Variants in COX8A observed in about 807,000 individuals in gnomAD.
COX8A encodes cytochrome c oxidase subunit 8A, mitochondrial.
COX8A carries 6 observed loss-of-function variants against 4.4 expected under a neutral mutation model. The observed-to-expected ratio is 1.36, with a 90% CI of 0.74 to 2.68. The LOEUF is 2.68. COX8A is among the 30% of genes most tolerant of loss of function. The probability of loss-of-function intolerance (pLI) is 0.00; values close to 1 mark genes in which losing one functional copy is unlikely to be tolerated. For synonymous variants in COX8A, 53 were observed against 47.1 expected (o/e 1.12, Z -0.51); for missense variants, 72 against 89.6 (o/e 0.80, Z 0.79).
At chr11:63,974,997 A>G (rs975381470) in intron 1 of COX8A, among the ~76,000 whole-genome samples, 1 of 152,020 alleles carries the variant, frequency 6.6e-6, no homozygotes, top group Non-Finnish European at 1.5e-5. Flanking sequence ...GTCTTTCCCC[A>G]CAGCCCCAGG....
Position 63,974,657 on chromosome 11 carries a change from T to C in COX8A, c.-24T>C. On this transcript the variant is annotated 5_prime_UTR_variant, in exon 1 of 2. Transcript: ENST00000314133. ...TGACCTTGGGCTACGGCTGACCGTT[T>C]TTTGTGGTGTACTCCGTGCCATCAT... 1 of 1,586,744 alleles carries C rather than the reference T, an allele frequency of 6.3e-7. No homozygotes were observed. Among genetic ancestry groups the C allele is most frequent in the Non-Finnish European group, 8.6e-7 (1 of 1,165,164 alleles).
intron 1 of COX8A, among the ~76,000 whole-genome samples, chr11:63,975,174 T>C (rs897065160): frequency 5.9e-5 from 9 of 152,188 alleles, no homozygotes; most frequent in Non-Finnish European, 1.3e-4. Context: ...TATTTTATTT[T>C]ATTTTATTTT....
At position 63,976,232 on chromosome 11, in the gene COX8A, C is replaced by G. The variant is rs1313133583; in HGVS notation, c.122C>G (p.Ala41Gly). The G allele has an allele frequency of 6.2e-7, 1 of 1,614,114 alleles. No individual in the cohort carries two copies. ...TTCTTGTGCTCTGTGTAGGAATTGG[C>G]CGTTGGGCTTACCTCCTGCTTCGTG... ...PEGKLGIMEL[A>G]VGLTSCFVTF... The change falls in exon 2 of 2, where the codon GCC becomes GGC. Residue 41 changes from alanine to glycine, a missense_variant. Ala to Gly is a moderately conservative substitution (Grantham distance 60). Transcript: ENST00000314133.
At chr11:63,975,967 C>T (rs1942536507) in intron 1 of COX8A, among the ~76,000 whole-genome samples, 1 of 152,182 alleles carries the variant, frequency 6.6e-6, no homozygotes, top group African/African-American at 2.4e-5. Context: ...TGAACCCTAA[C>T]CCCAGCTGTC....
rs757530768 is a variant in COX8A at position 63,976,304 on chromosome 11, A to G, written c.194A>G (p.Tyr65Cys). The change falls in exon 2 of 2, where the codon TAC (tyrosine) becomes TGC (cysteine). Residue 65 changes from tyrosine to cysteine, a missense_variant. Transcript: ENST00000314133. Reference sequence around the variant, plus strand: ...TGGATCCTGTCACACCTGGAGACCTACAGGAGGCCAGAGTGAAGGGGTCCG... The same window carrying G: ...TGGATCCTGTCACACCTGGAGACCTGCAGGAGGCCAGAGTGAAGGGGTCCG... ...AGWILSHLET[Y>C]RRPE The G allele has an allele frequency of 6.2e-7, 1 of 1,614,042 alleles. No homozygotes were observed. Among genetic ancestry groups the G allele is most frequent in the South Asian group, 1.1e-5 (1 of 91,070 alleles).
At position 63,974,818 on chromosome 11, in the gene COX8A, G is replaced by C. The variant is rs1331680028; in HGVS notation, c.114+24G>C. On this transcript the variant is annotated intron_variant, in intron 1 of 1. Coordinates refer to ENST00000314133, the MANE Select transcript of COX8A (RefSeq NM_004074.3). ...TGGTGAGGAACGGGCCTGGAAGAGC[G>C]CGGGAGGCGCCGTGGGCTGACCCCT... The C allele has an allele frequency of 3.2e-6, 5 of 1,563,060 alleles. No individual in the cohort carries two copies. In the East Asian group the frequency reaches 1.2e-4, roughly 36 times the overall value.
chr11:63,974,914 C>A, intron 1 of COX8A, 120 bp downstream of exon 1: 1 of 950,478 alleles, frequency 1.1e-6, no homozygotes, highest in Non-Finnish European at 1.5e-6. Context: ...GCAGCAGTGC[C>A]GGTTTGGGCA....
chr11:63,976,083 A>T, intron 1 of COX8A, 142 bp from the exon 2 acceptor site: 1 of 757,862 alleles, frequency 1.3e-6, no homozygotes, highest in Non-Finnish European at 2.4e-6. Context: ...GGATTCCTTT[A>T]ACGTGAGGAT....
At chr11:63,975,781 C>T (rs1321341505) in intron 1 of COX8A, among the ~76,000 whole-genome samples, 2 of 152,082 alleles carry the variant, frequency 1.3e-5, no homozygotes, top group Non-Finnish European at 2.9e-5. Context: ...GGGGTTTCAC[C>T]ATGTTGGTCA....
At position 63,974,746 on chromosome 11, in the gene COX8A, G is replaced by C. The variant is rs1295307301; in HGVS notation, c.66G>C (p.Pro22=). The C allele has an allele frequency of 6.2e-7, 1 of 1,608,022 alleles. No homozygotes were observed. The part of the protein sequence containing the change: ...LTGSARRLPV[P]RAKIHSLPPE... Reference sequence around the variant, plus strand: ...GCTCGGCCCGGCGGCTCCCAGTGCCGCGCGCCAAGATCCATTCGTTGCCGC... The same window carrying C: ...GCTCGGCCCGGCGGCTCCCAGTGCCCCGCGCCAAGATCCATTCGTTGCCGC... Residue 22 remains proline, a synonymous_variant, in exon 1 of 2, where the codon CCG becomes CCC. Coordinates refer to ENST00000314133, the MANE Select transcript of COX8A (RefSeq NM_004074.3).
At position 63,975,634 on chromosome 11, in the gene COX8A, G is replaced by T. The variant is rs374169354; in HGVS notation, c.115-591G>T. On this transcript the variant is annotated intron_variant, in intron 1 of 1. Coordinates refer to ENST00000314133, the MANE Select transcript of COX8A (RefSeq NM_004074.3). Reference sequence around the variant, plus strand: ...TCTGTCACCCAGGCTGGAGTGCAGTGGTGCGATCTCGGCTTACTGCAACCT... The same window carrying T: ...TCTGTCACCCAGGCTGGAGTGCAGTTGTGCGATCTCGGCTTACTGCAACCT... 2.1e-3 allele frequency among the ~76,000 whole-genome samples: 316 copies of T among 152,166 alleles called. 17 individuals carry two copies. The South Asian group carries it at 0.064, about 31-fold the overall frequency.
At chr11:63,976,125 C>G in intron 1 of COX8A, 100 bp from the exon 2 acceptor site, 2 of 1,126,452 alleles carry the variant, frequency 1.8e-6, no homozygotes, top group South Asian at 1.3e-5. Context: ...TGAGTCCTGG[C>G]TCCCTGAGCG....
At chr11:63,976,149 C>T in intron 1 of COX8A, 76 bp from the exon 2 acceptor site, 1 of 1,404,634 alleles carries the variant, frequency 7.1e-7, no homozygotes, top group Non-Finnish European at 1.0e-6. Context: ...CTTTCTGCTG[C>T]CTGGGAACTG....
intron 1 of COX8A, 51 bp downstream of exon 1, chr11:63,974,845 C>A: frequency 1.4e-6 from 2 of 1,457,744 alleles, no homozygotes; most frequent in Non-Finnish European, 1.8e-6. Flanking sequence ...CTGACCCCTT[C>A]TGCCTAGCTG....
At chr11:63,975,780 C>G (rs1942534728) in intron 1 of COX8A, among the ~76,000 whole-genome samples, 1 of 152,096 alleles carries the variant, frequency 6.6e-6, no homozygotes, top group South Asian at 2.1e-4. Context: ...CGGGGTTTCA[C>G]CATGTTGGTC....
intron 1 of COX8A, among the ~76,000 whole-genome samples, chr11:63,975,876 G>C (rs1942535799): frequency 6.6e-6 from 1 of 152,126 alleles, no homozygotes. Context: ...CACCATGCCC[G>C]GCCCAGACCA....
chr11:63,976,105 C>T (rs1165851581), intron 1 of COX8A, 120 bp from the exon 2 acceptor site: 2 of 884,122 alleles, frequency 2.3e-6, no homozygotes, highest in East Asian at 2.4e-5. Flanking sequence ...CGGGGCCTCC[C>T]ACTTGCCTCT....
Position 63,976,284 on chromosome 11 carries a change from C to A in COX8A, c.174C>A (p.Ile58=), listed in dbSNP as rs11550240. The part of the protein sequence containing the change: ...FVTFLLPAGW[I]LSHLETYRRP... Reference sequence around the variant, plus strand: ...CCTTCCTCCTGCCAGCGGGCTGGATCCTGTCACACCTGGAGACCTACAGGA... The same window carrying A: ...CCTTCCTCCTGCCAGCGGGCTGGATACTGTCACACCTGGAGACCTACAGGA... The change falls in exon 2 of 2, where the codon ATC becomes ATA. Residue 58 remains isoleucine (I), a synonymous_variant. Coordinates refer to ENST00000314133, the MANE Select transcript of COX8A (RefSeq NM_004074.3). 273 of 1,614,044 alleles carry A rather than the reference C, an allele frequency of 1.7e-4. 2 individuals carry two copies. Among genetic ancestry groups the A allele is most frequent in the Admixed American group, 3.2e-4 (19 of 60,000 alleles).
rs1295354556 is a variant in COX8A at position 63,974,745 on chromosome 11, C to G, written c.65C>G (p.Pro22Arg). The G allele has an allele frequency of 6.2e-7, 1 of 1,608,062 alleles. No individual in the cohort carries two copies. Among genetic ancestry groups the G allele is most frequent in the Non-Finnish European group, 8.5e-7 (1 of 1,177,702 alleles). ...GGCTCGGCCCGGCGGCTCCCAGTGCCGCGCGCCAAGATCCATTCGTTGCCG... is the reference window on the plus strand; with the variant it reads ...GGCTCGGCCCGGCGGCTCCCAGTGCGGCGCGCCAAGATCCATTCGTTGCCG... ...LTGSARRLPV[P>R]RAKIHSLPPE... Residue 22 changes from proline (P) to arginine (R), a missense_variant, in exon 1 of 2, where the codon CCG becomes CGG. Transcript: ENST00000314133.
Sources: gnomAD v4.1 joint callset for allele counts (sites outside exome capture counted in the v4.1 genomes callset) on GRCh38, gnomAD v4.1.1 for gene constraint, MANE v1.5 for transcripts, NCBI Gene and HGNC (gene_info 2026-07-23, HGNC 2026-07-21) for gene names.